Variants in GLMN observed in about 807,000 individuals in gnomAD.
The protein encoded by GLMN is glomulin, FKBP associated protein.
Under a neutral mutation model 87.8 loss-of-function variants are expected in GLMN, and 75 were observed. The ratio of observed to expected loss-of-function variants is 0.85; its 90% CI spans 0.71 to 1.04. The LOEUF (loss-of-function observed/expected upper bound fraction) is 1.04. GLMN is among the 50% of genes least tolerant of loss of function. The pLI, the probability that GLMN is intolerant of heterozygous loss-of-function variation, is 0.00. For synonymous variants in GLMN, 206 were observed against 221.6 expected, an observed-to-expected ratio of 0.93 and a Z score of 0.63; for missense variants, 588 against 658.8, an observed-to-expected ratio of 0.89 and a Z score of 1.18.
At chr1:92,291,144 T>C (rs1423046219) in intron 4 of GLMN, among the ~76,000 whole-genome samples, 1 of 152,222 alleles carries the variant, frequency 6.6e-6, no homozygotes, top group Non-Finnish European at 1.5e-5. Flanking sequence ...CTTGTTAAGA[T>C]ATAGCTTCCC....
At chr1:92,362,948 A>C in the GLMN span, among the ~76,000 whole-genome samples, 23,248 of 152,160 alleles carry the variant, frequency 0.15, 2,363 homozygotes, top group Non-Finnish European at 0.21. Context: ...AAAATCAATC[A>C]AGTTCCCAAA....
chr1:92,253,226 C>T (rs1362219851), intron 16 of GLMN, among the ~76,000 whole-genome samples: 1 of 152,130 alleles, frequency 6.6e-6, no homozygotes, highest in African/African-American at 2.4e-5. Context: ...GATTCCTCCT[C>T]TCTCTGGGCA....
intron 7 of GLMN, among the ~76,000 whole-genome samples, chr1:92,280,441 C>T (rs1268496981): frequency 6.6e-6 from 1 of 152,178 alleles, no homozygotes; most frequent in African/African-American, 2.4e-5. Context: ...AGGACATCTA[C>T]ACCAAAACCC....
intron 16 of GLMN, among the ~76,000 whole-genome samples, chr1:92,253,238 G>A (rs564559079): frequency 6.6e-6 from 1 of 152,220 alleles, no homozygotes; most frequent in South Asian, 2.1e-4. Context: ...CTCTGGGCAG[G>A]GCATCTCTGA....
chr1:92,366,181 T>C, the GLMN span, among the ~76,000 whole-genome samples: 1 of 152,162 alleles, frequency 6.6e-6, no homozygotes, highest in Admixed American at 6.5e-5. Flanking sequence ...TGCTTGCCTG[T>C]AGTCTCGGCT....
chr1:92,255,899 AAAC>A (rs1477115938), intron 16 of GLMN, among the ~76,000 whole-genome samples: 3 of 152,220 alleles, frequency 2.0e-5, no homozygotes, highest in Non-Finnish European at 4.4e-5. Context: ...AGAAGACAAG[AAAC>A]AACTAAGATC....
At chr1:92,246,708 A>G (rs1357275187) in intron 18 of GLMN, 62 bp from the exon 19 acceptor site, 1 of 892,250 alleles carries the variant, frequency 1.1e-6, no homozygotes, top group Non-Finnish European at 1.9e-6. Flanking sequence ...AAAGCAAAAC[A>G]CAGAAAAGAT....
At chr1:92,355,252 C>T in the GLMN span, among the ~76,000 whole-genome samples, 1 of 152,092 alleles carries the variant, frequency 6.6e-6, no homozygotes, top group South Asian at 2.1e-4. Context: ...TAAACTCAGT[C>T]TCATTCTGGA....
At chr1:92,366,894 G>A in the GLMN span, among the ~76,000 whole-genome samples, 1 of 152,002 alleles carries the variant, frequency 6.6e-6, no homozygotes, top group Non-Finnish European at 1.5e-5. Context: ...TGATTGTATG[G>A]GTGTGCAAAC....
At chr1:92,262,720 AG>A (rs1329119636) in intron 16 of GLMN, 142 bp downstream of exon 16, 1 of 538,960 alleles carries the variant, frequency 1.9e-6, no homozygotes, top group Non-Finnish European at 3.5e-6. Flanking sequence ...AATTAACTTC[AG>A]GTTTCAGAAT....
At chr1:92,254,475 C>T (rs1467467532) in intron 16 of GLMN, among the ~76,000 whole-genome samples, 1 of 152,096 alleles carries the variant, frequency 6.6e-6, no homozygotes, top group Admixed American at 6.5e-5. Flanking sequence ...ATCAGATTCA[C>T]CAAGGTTGAA....
At chr1:92,312,628 A>C in the GLMN span, among the ~76,000 whole-genome samples, 1 of 152,136 alleles carries the variant, frequency 6.6e-6, no homozygotes, top group Non-Finnish European at 1.5e-5. Context: ...AGATTGATGC[A>C]ATTCAGTCAC....
At chr1:92,345,708 C>G in the GLMN span, 1 of 588,126 alleles carries the variant, frequency 1.7e-6, no homozygotes, top group African/African-American at 1.9e-5. Flanking sequence ...ACTATTGACT[C>G]TTTCCTGTCA....
At chr1:92,333,212 G>A in the GLMN span, 1 of 559,702 alleles carries the variant, frequency 1.8e-6, no homozygotes, top group East Asian at 2.8e-5. Flanking sequence ...ACTCAAAGAA[G>A]TTCACAACAG....
the GLMN span, among the ~76,000 whole-genome samples, chr1:92,333,728 C>A: frequency 6.6e-6 from 1 of 152,214 alleles, no homozygotes; most frequent in Non-Finnish European, 1.5e-5. Flanking sequence ...GACCAAACTA[C>A]CTTACTCCCA....
chr1:92,336,619 G>A, the GLMN span, among the ~76,000 whole-genome samples: 13 of 152,206 alleles, frequency 8.5e-5, no homozygotes, highest in African/African-American at 3.1e-4. Flanking sequence ...ATTTGCTCAA[G>A]CCATTATATA....
At chr1:92,290,662 G>A (rs936488113) in intron 4 of GLMN, among the ~76,000 whole-genome samples, 5 of 152,160 alleles carry the variant, frequency 3.3e-5, no homozygotes, top group African/African-American at 1.2e-4. Context: ...AATCTCTTTT[G>A]TATTTTTTGA....
intron 16 of GLMN, among the ~76,000 whole-genome samples, chr1:92,250,147 G>GCTTTGACAAAAGGAAAC (rs71683653): frequency 1.3e-5 from 2 of 151,770 alleles, no homozygotes; most frequent in Admixed American, 6.6e-5. Context: ...AAAACACCTA[G>GCTTTGACAAAAGGAAAC]CTTTGACAAA....
the GLMN span, chr1:92,333,495 C>T: frequency 7.2e-6 from 11 of 1,526,216 alleles, no homozygotes; most frequent in Non-Finnish European, 1.8e-6. Flanking sequence ...ATTGCCATTC[C>T]AGCTTTGTAG....
Sources: allele counts gnomAD v4.1 joint callset (sites outside exome capture counted in the v4.1 genomes callset), GRCh38; gene constraint gnomAD v4.1.1; transcripts MANE v1.5; gene names NCBI Gene and HGNC (gene_info 2026-07-23, HGNC 2026-07-21).